CDKL1: variants seen among roughly 807,000 people sequenced by gnomAD.
The protein encoded by CDKL1 is cyclin-dependent kinase-like 1.
A neutral mutation model predicts 42.0 loss-of-function variants in CDKL1; 41 were observed. The ratio of observed to expected loss-of-function variants is 0.98; its 90% confidence interval spans 0.76 to 1.27. The LOEUF (loss-of-function observed/expected upper bound fraction) is 1.27. Among genes scored for constraint, CDKL1 ranks in the 50% most tolerant of loss-of-function variants. CDKL1 has a pLI of 0.00. For missense variants in CDKL1, 394 were observed against 428.4 expected (o/e 0.92, Z 0.71); for synonymous variants, 153 against 158.6 (o/e 0.96, Z 0.26).
chr14:50,386,505 G>A (rs761420775), intron 2 of CDKL1, among the ~76,000 whole-genome samples: 2 of 152,158 alleles, frequency 1.3e-5, no homozygotes, highest in Non-Finnish European at 2.9e-5. Context: ...ATCTAGCGAA[G>A]GGTATGCAGG....
intron 7 of CDKL1, 54 bp downstream of exon 7, chr14:50,338,893 A>T: frequency 8.6e-7 from 1 of 1,161,390 alleles, no homozygotes; most frequent in Non-Finnish European, 1.3e-6. Context: ...GTGAATAACA[A>T]CCAAAGCCTA....
In CDKL1 at chr14:50,369,158, C is replaced by G. The variant is rs376964302; in HGVS notation, c.169-10009G>C. ...CTGAGATTATAGGTGTGAGCCACCA[C>G]GCCCGGCCGCTACCCTTAACCAGGA... On this transcript the variant is annotated intron_variant, in intron 2 of 9. Coordinates refer to ENST00000395834, the MANE Select transcript of CDKL1 (RefSeq NM_004196.7). Among the ~76,000 whole-genome samples the G allele has an allele frequency of 2.0e-4, 30 of 152,232 alleles. No homozygotes were observed. The South Asian group carries it at 5.8e-3, about 29-fold the overall frequency.
chr14:50,361,696 T>C (rs1372857496), intron 2 of CDKL1, among the ~76,000 whole-genome samples: 1 of 152,234 alleles, frequency 6.6e-6, no homozygotes, highest in African/African-American at 2.4e-5. Flanking sequence ...ACAGTTGCAC[T>C]GGGGGTGAAG....
intron 2 of CDKL1, chr14:50,363,899 T>C (rs1203887823): frequency 6.6e-6 from 1 of 152,290 alleles, no homozygotes; most frequent in African/African-American, 2.4e-5. Context: ...TTTCTCTCAC[T>C]TCCTAGAAGG....
At chr14:50,334,749 C>A (rs1381336033) in intron 7 of CDKL1, 128 bp from the exon 8 acceptor site, 1 of 667,116 alleles carries the variant, frequency 1.5e-6, no homozygotes, top group South Asian at 1.8e-5. Context: ...GCCCACCCAA[C>A]CTCCTGCCCA....
chr14:50,350,907 G>T (rs2033882413), intron 3 of CDKL1, among the ~76,000 whole-genome samples: 1 of 152,112 alleles, frequency 6.6e-6, no homozygotes, highest in African/African-American at 2.4e-5. Flanking sequence ...ACTCCTTCTG[G>T]GGAGGGCAGA....
intron 8 of CDKL1, chr14:50,334,319 A>AT (rs372894074): frequency 4.4e-5 from 15 of 337,358 alleles, no homozygotes; most frequent in Middle Eastern, 6.6e-4. Context: ...ACCACGCCTA[A>AT]TTTTTTTTAT....
intron 2 of CDKL1, among the ~76,000 whole-genome samples, chr14:50,382,215 G>A (rs1179267878): frequency 2.0e-5 from 3 of 152,196 alleles, no homozygotes; most frequent in Non-Finnish European, 4.4e-5. Context: ...CACTGTGGGA[G>A]GCCGAGGCAG....
At chr14:50,338,837 C>T in intron 7 of CDKL1, 110 bp downstream of exon 7, 1 of 773,154 alleles carries the variant, frequency 1.3e-6, no homozygotes, top group East Asian at 2.5e-5. Flanking sequence ...TTCTTTTTCT[C>T]TGTTAGACTG....
At chr14:50,397,238 C>T (rs1019506969), upstream of CDKL1, 2 of 1,366,514 alleles carry the variant, frequency 1.5e-6, no homozygotes, top group African/African-American at 3.0e-5. Context: ...CGGTTATTCC[C>T]TTTGGTCCCT....
chr14:50,355,358 C>A (rs1478876286), intron 3 of CDKL1, among the ~76,000 whole-genome samples: 1 of 152,060 alleles, frequency 6.6e-6, no homozygotes, highest in East Asian at 1.9e-4. Flanking sequence ...TAAGATAATG[C>A]CTCTAAGACT....
rs866349446 is a variant in CDKL1 at position 50,344,472 on chromosome 14, T to G, written c.363+514A>C. Among the ~76,000 whole-genome samples the G allele has an allele frequency of 7.4e-3, 1,081 of 146,710 alleles. 26 individuals carry two copies. Among genetic ancestry groups the G allele is most frequent in the African/African-American group, 0.022 (873 of 40,262 alleles). ...ACTAATTTTTTGTTCTTTGTGGTTT[T>G]TTTTTTTTTTTTTTTGAGACAGGGT... On this transcript the variant is annotated intron_variant, in intron 4 of 9. Transcript: ENST00000395834.
chr14:50,360,184 C>T (rs747601686), intron 2 of CDKL1, among the ~76,000 whole-genome samples: 29 of 152,058 alleles, frequency 1.9e-4, no homozygotes, highest in Admixed American at 6.5e-5. Flanking sequence ...ACTTTCCGCC[C>T]TGATTTTTAG....
intron 9 of CDKL1, 31 bp from the exon 10 acceptor site, chr14:50,330,212 A>G (rs778627377): frequency 6.3e-7 from 1 of 1,585,148 alleles, no homozygotes; most frequent in South Asian, 1.2e-5. Context: ...ATTAGGTTCA[A>G]AACTGTGCCA....
intron 2 of CDKL1, among the ~76,000 whole-genome samples, chr14:50,378,842 T>G (rs1009890579): frequency 4.0e-5 from 6 of 151,686 alleles, no homozygotes; most frequent in Non-Finnish European, 7.4e-5. Flanking sequence ...ACACTGTGCC[T>G]GTCAAGACAA....
chr14:50,383,287 T>C (rs1052428900), intron 2 of CDKL1, among the ~76,000 whole-genome samples: 3 of 151,828 alleles, frequency 2.0e-5, no homozygotes, highest in African/African-American at 7.3e-5. Flanking sequence ...TGGTGGCTCA[T>C]GCCTATAATC....
chr14:50,330,417 AGG>A, intron 9 of CDKL1: 2 of 432,192 alleles, frequency 4.6e-6, no homozygotes, highest in Non-Finnish European at 8.0e-6. Flanking sequence ...GAATATGAAA[AGG>A]GGAAAATCTA....
At chr14:50,375,176 G>A (rs575019057) in intron 2 of CDKL1, among the ~76,000 whole-genome samples, 1 of 152,250 alleles carries the variant, frequency 6.6e-6, no homozygotes, top group African/African-American at 2.4e-5. Context: ...GCATCTTGCA[G>A]TGCCAGAAAA....
intron 8 of CDKL1, 29 bp from the exon 9 acceptor site, chr14:50,332,461 A>T (rs1011012816): frequency 4.7e-5 from 74 of 1,572,442 alleles, no homozygotes; most frequent in Non-Finnish European, 4.7e-5. Context: ...CCTTCTTCTT[A>T]CTTCTTCAAA....
Sources: gnomAD v4.1 joint callset for allele counts (sites outside exome capture counted in the v4.1 genomes callset) on GRCh38, gnomAD v4.1.1 for gene constraint, MANE v1.5 for transcripts, NCBI Gene and HGNC (gene_info 2026-07-23, HGNC 2026-07-21) for gene names.